The following CTNNA2 variants were observed in gnomAD, a reference collection of about 807,000 sequenced individuals.
CTNNA2 encodes catenin alpha 2.
CTNNA2 carries 42 observed loss-of-function variants against 101.0 expected under a neutral mutation model. That is an observed-to-expected ratio of 0.42 (90% CI 0.32 to 0.54). The LOEUF is 0.54. Ranked by LOEUF, CTNNA2 falls within the 20% of genes least tolerant of loss-of-function variation. CTNNA2 has a pLI of 0.14. For missense variants in CTNNA2, 871 were observed against 1,223.1 expected (o/e 0.71, Z 4.29); for synonymous variants, 450 against 456.4 (o/e 0.99, Z 0.18).
chr2:80,247,818 G>A (rs527505233), intron 7 of CTNNA2, among the ~76,000 whole-genome samples: 6 of 152,148 alleles, frequency 3.9e-5, no homozygotes, highest in Admixed American at 3.9e-4. Flanking sequence ...ATTTAATAAG[G>A]CCTGAAGTCT....
intron 7 of CTNNA2, among the ~76,000 whole-genome samples, chr2:80,259,734 A>G (rs1672451633): frequency 6.6e-6 from 1 of 152,222 alleles, no homozygotes. Context: ...AGAAAGATTA[A>G]TTAAGCTATG....
intron 3 of CTNNA2, among the ~76,000 whole-genome samples, chr2:79,753,764 C>G (rs991605822): frequency 2.0e-5 from 3 of 152,130 alleles, no homozygotes; most frequent in Non-Finnish European, 4.4e-5. Flanking sequence ...GATGGCCAAG[C>G]CATTCACTGC....
intron 7 of CTNNA2, among the ~76,000 whole-genome samples, chr2:80,356,704 A>G (rs1673843371): frequency 2.0e-5 from 3 of 152,150 alleles, no homozygotes; most frequent in Admixed American, 6.5e-5. Flanking sequence ...CATTGCAGCC[A>G]TCATTAATCT....
chr2:80,541,891 A>ATTTTTTTT (rs1270026914), intron 9 of CTNNA2, among the ~76,000 whole-genome samples: 1 of 146,290 alleles, frequency 6.8e-6, no homozygotes, highest in Non-Finnish European at 1.5e-5. Flanking sequence ...TTTTTTCTAA[A>ATTTTTTTT]TGTTTTTTAA....
intron 7 of CTNNA2, among the ~76,000 whole-genome samples, chr2:80,093,930 A>G (rs1398717656): frequency 1.3e-5 from 2 of 151,850 alleles, no homozygotes; most frequent in Non-Finnish European, 2.9e-5. Flanking sequence ...AGTAGGTTGC[A>G]AAAATTTTCT....
chr2:80,374,682 CGTGTGT>C (rs57179557), intron 7 of CTNNA2, among the ~76,000 whole-genome samples: 5,627 of 133,992 alleles, frequency 0.042, 152 homozygotes, highest in Non-Finnish European at 0.061. Flanking sequence ...TGCGTGCGTG[CGTGTGT>C]GTGTGTGTGT....
At chr2:80,229,706 C>A (rs1012634331) in intron 7 of CTNNA2, among the ~76,000 whole-genome samples, 1 of 152,114 alleles carries the variant, frequency 6.6e-6, no homozygotes, top group Admixed American at 6.5e-5. Flanking sequence ...AAGTTCCAAC[C>A]CTCTAATCAA....
chr2:79,963,066 G>T (rs202154869), intron 7 of CTNNA2, among the ~76,000 whole-genome samples: 2 of 67,004 alleles, frequency 3.0e-5, no homozygotes, highest in Admixed American at 2.7e-4. Context: ...GCCAGACTCC[G>T]TCTCAAAAAA....
chr2:79,338,588 T>C (rs1162838317), intron 3 of CTNNA2, among the ~76,000 whole-genome samples: 1 of 132,934 alleles, frequency 7.5e-6, no homozygotes, highest in Admixed American at 7.3e-5. Flanking sequence ...ATCTTCTTCT[T>C]CTTCTTCTTC....
chr2:79,469,528 A>T (rs1024612759), intron 4 of CTNNA2, among the ~76,000 whole-genome samples: 2 of 152,198 alleles, frequency 1.3e-5, no homozygotes, highest in African/African-American at 2.4e-5. Flanking sequence ...AACTCATTTT[A>T]TGAGGCCAGC....
intron 3 of CTNNA2, 117 bp from the exon 4 acceptor site, chr2:79,857,896 C>A: frequency 9.1e-7 from 1 of 1,101,686 alleles, no homozygotes; most frequent in Non-Finnish European, 1.3e-6. Context: ...GGCAGAAATA[C>A]CACCTGGTCA....
chr2:79,443,194 G>T (rs970781394), intron 4 of CTNNA2, among the ~76,000 whole-genome samples: 2 of 152,078 alleles, frequency 1.3e-5, no homozygotes, highest in Admixed American at 6.6e-5. Flanking sequence ...AGGCTGAAAA[G>T]TTCCATGATC....
At chr2:79,640,326 T>C (rs1039573232) in intron 1 of CTNNA2, among the ~76,000 whole-genome samples, 1 of 152,112 alleles carries the variant, frequency 6.6e-6, no homozygotes, top group African/African-American at 2.4e-5. Flanking sequence ...TAGGAGGCAT[T>C]GTGGGCTAAC....
At chr2:79,621,156 C>T (rs1678972684) in intron 1 of CTNNA2, among the ~76,000 whole-genome samples, 2 of 152,110 alleles carry the variant, frequency 1.3e-5, no homozygotes, top group Non-Finnish European at 2.9e-5. Context: ...GTAGTTTCAC[C>T]CCATTTTCGT....
chr2:80,361,620 G>C (rs767200860), intron 7 of CTNNA2, among the ~76,000 whole-genome samples: 1 of 152,028 alleles, frequency 6.6e-6, no homozygotes, highest in African/African-American at 2.4e-5. Flanking sequence ...GACATGACAC[G>C]GTCACAACTA....
chr2:80,279,090 CAGAGAGAG>C (rs962361416), intron 7 of CTNNA2, among the ~76,000 whole-genome samples: 1 of 60,302 alleles, frequency 1.7e-5, no homozygotes, highest in Admixed American at 1.7e-4. Context: ...GTGTGTGAAA[CAGAGAGAG>C]AGAGAGAGAA....
At chr2:80,343,147 G>A (rs1280854620) in intron 7 of CTNNA2, among the ~76,000 whole-genome samples, 1 of 152,112 alleles carries the variant, frequency 6.6e-6, no homozygotes, top group Non-Finnish European at 1.5e-5. Context: ...ATTTTCAAAT[G>A]TAGTCACATT....
chr2:79,284,695 C>A (rs1442616713), intron 2 of CTNNA2, among the ~76,000 whole-genome samples: 10 of 150,730 alleles, frequency 6.6e-5, no homozygotes, highest in South Asian at 2.1e-4. Flanking sequence ...CATCAATGTT[C>A]ATCAAGGATA....
intron 7 of CTNNA2, among the ~76,000 whole-genome samples, chr2:80,316,544 G>A (rs147079321): frequency 8.5e-4 from 130 of 152,266 alleles, no homozygotes; most frequent in African/African-American, 3.1e-3. Context: ...CACAATTTAA[G>A]CATCTGGCAT....
Sources: gnomAD v4.1 joint callset for allele counts (sites outside exome capture counted in the v4.1 genomes callset) on GRCh38, gnomAD v4.1.1 for gene constraint, MANE v1.5 for transcripts, NCBI Gene and HGNC (gene_info 2026-07-23, HGNC 2026-07-21) for gene names.